ASAP2: variants seen among roughly 807,000 people sequenced by gnomAD.
The protein encoded by ASAP2 is ArfGAP with SH3 domain, ankyrin repeat and PH domain 2, also known as arf-GAP with SH3 domain, ANK repeat and PH domain-containing protein 2.
ASAP2 carries 45 observed loss-of-function variants against 131.4 expected under a neutral mutation model. The observed-to-expected ratio is 0.34, with a 90% confidence interval of 0.27 to 0.44. ASAP2 has a LOEUF of 0.44. Among genes scored for constraint, ASAP2 ranks in the 20% least tolerant of loss-of-function variants. ASAP2 has a pLI of 1.00. For missense variants in ASAP2, 1,011 were observed against 1,297.0 expected, an observed-to-expected ratio of 0.78 and a Z score of 3.39; for synonymous variants, 510 against 503.0, an observed-to-expected ratio of 1.01 and a Z score of -0.19.
chr2:9,344,361 C>A (rs1478915490), intron 9 of ASAP2, among the ~76,000 whole-genome samples, 171 bp from the exon 10 acceptor site: 1 of 152,080 alleles, frequency 6.6e-6, no homozygotes, highest in Non-Finnish European at 1.5e-5. Flanking sequence ...TTTATCAGTT[C>A]CTAGAGCAGA....
Position 9,378,549 on chromosome 2 carries a change from G to A in ASAP2, c.1833-395G>A, listed in dbSNP as rs779662177. Among the ~76,000 whole-genome samples, 4 of 152,346 alleles carry A rather than the reference G, an allele frequency of 2.6e-5. No individual in the cohort carries two copies. In the Middle Eastern group the frequency reaches 0.014, roughly 518 times the overall value. On this transcript the variant is annotated intron_variant, in intron 18 of 27. Coordinates refer to ENST00000281419, the MANE Select transcript of ASAP2 (RefSeq NM_003887.3). ...GATGGATGAGTCACACAGGCATCCA[G>A]AGGCCCTGCATCCAGCACAGCTGGC...
chr2:9,318,195 C>T (rs1669927257), intron 3 of ASAP2, among the ~76,000 whole-genome samples: 1 of 152,158 alleles, frequency 6.6e-6, no homozygotes, highest in African/African-American at 2.4e-5. Context: ...TCCTTTTATT[C>T]TAGGCTTTCG....
rs575557282 is a variant in ASAP2, at chr2:9,233,772, C to T, written c.126+26542C>T. 5.3e-5 allele frequency among the ~76,000 whole-genome samples: 8 copies of T among 152,284 alleles called. No homozygotes were observed. In the East Asian group the frequency reaches 1.5e-3, roughly 29 times the overall value. On this transcript the variant is annotated intron_variant, in intron 1 of 27. Transcript: ENST00000281419. Reference sequence around the variant, plus strand: ...ACATGTTAAATGGATTTAATCCTTACAACAACCCTGTGGCTAGGTACTGTC... The same window carrying T: ...ACATGTTAAATGGATTTAATCCTTATAACAACCCTGTGGCTAGGTACTGTC...
At position 9,268,535 on chromosome 2, in the gene ASAP2, G is replaced by C. The variant is rs1252886934; in HGVS notation, c.127-10782G>C. Among the ~76,000 whole-genome samples the C allele has an allele frequency of 1.3e-5, 2 of 152,182 alleles. No homozygotes were observed. The highest frequency in any genetic ancestry group is 4.8e-5 in the African/African-American group (2 of 41,450). Reference sequence around the variant, plus strand: ...CTTTAAACGGAGCCCACAGGTCACAGTGCAAGTCTACGCTTCCCAAAAGGC... The same window carrying C: ...CTTTAAACGGAGCCCACAGGTCACACTGCAAGTCTACGCTTCCCAAAAGGC... On this transcript the variant is annotated intron_variant, in intron 1 of 27. Coordinates refer to ENST00000281419, the MANE Select transcript of ASAP2 (RefSeq NM_003887.3). This position sits in a 1 kb window ranked among gnomAD's most constrained non-coding sequence, Gnocchi z 4.1.
At chr2:9,247,088 T>G (rs1378896340) in intron 1 of ASAP2, among the ~76,000 whole-genome samples, 1 of 152,190 alleles carries the variant, frequency 6.6e-6, no homozygotes, top group African/African-American at 2.4e-5. Context: ...CTGCCTGCCT[T>G]AGCCTCTAAA....
intron 1 of ASAP2, among the ~76,000 whole-genome samples, chr2:9,209,940 A>G (rs1204094413): frequency 6.6e-6 from 1 of 152,244 alleles, no homozygotes; most frequent in Non-Finnish European, 1.5e-5. Flanking sequence ...CTGCCAAAGA[A>G]TCATTTTACA....
intron 2 of ASAP2, among the ~76,000 whole-genome samples, chr2:9,294,485 G>A (rs541584437): frequency 1.1e-3 from 162 of 152,254 alleles, no homozygotes; most frequent in African/African-American, 3.3e-3. Flanking sequence ...GGCAGCCTGC[G>A]TGGTCCATAA....
chr2:9,383,545 C>T (rs972114982), intron 20 of ASAP2, among the ~76,000 whole-genome samples: 1 of 152,116 alleles, frequency 6.6e-6, no homozygotes, highest in Middle Eastern at 3.2e-3. Context: ...AGGTGTGAGC[C>T]ACTCCACTGG....
chr2:9,262,321 G>A (rs773197232), intron 1 of ASAP2, among the ~76,000 whole-genome samples: 9 of 152,092 alleles, frequency 5.9e-5, no homozygotes, highest in East Asian at 1.9e-4. Context: ...GGGTAACAGC[G>A]TCTTCTTAAC....
intron 5 of ASAP2, among the ~76,000 whole-genome samples, chr2:9,322,850 C>T (rs1670238701): frequency 6.6e-6 from 1 of 152,208 alleles, no homozygotes; most frequent in Admixed American, 6.5e-5. Context: ...CAAAGGAGCC[C>T]TCCAAGCCCT....
chr2:9,344,816 T>C lies in ASAP2; in HGVS notation c.1023+16T>C. Reference sequence around the variant, plus strand: ...CCATGGTACCGTAAGTATTCTCTTTTAATCCATGGTGTCTGCTGTATTAGG... The same window carrying C: ...CCATGGTACCGTAAGTATTCTCTTTCAATCCATGGTGTCTGCTGTATTAGG... On this transcript the variant is annotated intron_variant, in intron 11 of 27. Coordinates refer to ENST00000281419, the MANE Select transcript of ASAP2 (RefSeq NM_003887.3). 6.2e-7 allele frequency: 1 copy of C among 1,605,354 alleles called. No homozygotes were observed. The highest frequency in any genetic ancestry group is 8.5e-7 in the Non-Finnish European group (1 of 1,172,686).
At position 9,374,461 on chromosome 2, in the gene ASAP2, C is replaced by T. The variant is rs543777415; in HGVS notation, c.1557-294C>T. Reference sequence around the variant, plus strand: ...AAGAAGGGTGTGGAGGTGACGAGGGCGACAGTGAGGTCAGATCACAGAACT... The same window carrying T: ...AAGAAGGGTGTGGAGGTGACGAGGGTGACAGTGAGGTCAGATCACAGAACT... On this transcript the variant is annotated intron_variant, in intron 16 of 27. Coordinates refer to ENST00000281419, the MANE Select transcript of ASAP2 (RefSeq NM_003887.3). 2.6e-5 allele frequency among the ~76,000 whole-genome samples: 4 copies of T among 152,168 alleles called. No individual in the cohort carries two copies. In the South Asian group the frequency reaches 6.2e-4, roughly 24 times the overall value.
rs1310748966 is a variant in ASAP2 at position 9,254,250 on chromosome 2, T to C, written c.127-25067T>C. On this transcript the variant is annotated intron_variant, in intron 1 of 27. Coordinates refer to ENST00000281419, the MANE Select transcript of ASAP2 (RefSeq NM_003887.3). ...AAAAAAAAAAAAATATATATATATA[T>C]ATATACACGTGTGTGTGTATGCATA... is the stretch of plus-strand genomic sequence containing the variant. Among the ~76,000 whole-genome samples the C allele has an allele frequency of 4.3e-4, 38 of 87,750 alleles. 5 individuals are homozygous for C. The highest frequency in any genetic ancestry group is 1.3e-3 in the African/African-American group (27 of 20,116). The allele number at this position is 87,750 out of a possible 152,430, so 57.6% of individuals were successfully genotyped here. A position where few individuals can be genotyped will look rare whatever the true frequency, so the allele number is the denominator to read the frequency against.
chr2:9,311,806 G>A lies in ASAP2; in HGVS notation c.346-6718G>A, dbSNP rs899354768. Among the ~76,000 whole-genome samples, 1 of 152,116 alleles carries A rather than the reference G, an allele frequency of 6.6e-6. No homozygotes were observed. Among genetic ancestry groups the A allele is most frequent in the African/African-American group, 2.4e-5 (1 of 41,416 alleles). On this transcript the variant is annotated intron_variant, in intron 3 of 27. Coordinates refer to ENST00000281419, the MANE Select transcript of ASAP2 (RefSeq NM_003887.3). The surrounding 1 kb of genome is among the most constrained non-coding windows in gnomAD (Gnocchi z 5.2). ...GCCGAGAAGCGCGTCTGGCCCCCAC[G>A]CACTTGTTCTCTGGCCCAGACAGAG... is the stretch of plus-strand genomic sequence containing the variant.
At chr2:9,329,996 T>G (rs1670725572) in intron 7 of ASAP2, among the ~76,000 whole-genome samples, 1 of 152,220 alleles carries the variant, frequency 6.6e-6, no homozygotes, top group Non-Finnish European at 1.5e-5. Context: ...GCCACTGAAC[T>G]ATATGCTCTT....
rs1010220755 is a variant in ASAP2, at chr2:9,376,953, C to G, written c.1792C>G (p.Arg598Gly). 2 of 1,614,094 alleles carry G rather than the reference C, an allele frequency of 1.2e-6. No individual in the cohort carries two copies. The highest frequency in any genetic ancestry group is 1.1e-5 in the South Asian group (1 of 91,070). ...CCACCTTGCAGTCAGATCCGTGGATCGAACCTCTCTTCACATTGTAGACTT... is the reference window on the plus strand; with the variant it reads ...CCACCTTGCAGTCAGATCCGTGGATGGAACCTCTCTTCACATTGTAGACTT... ...ALHLAVRSVDRTSLHIVDFLV... is the reference protein window; with the variant it reads ...ALHLAVRSVDGTSLHIVDFLV... Residue 598 changes from arginine to glycine, a missense_variant, in exon 18 of 28, where the codon CGA becomes GGA. By Grantham distance (125) the Arg-to-Gly change is moderately radical. Around this residue, in one of 2 missense-constraint regions of ASAP2, gnomAD observed 652 missense variants for 698.9 expected, o/e 0.93. Transcript: ENST00000281419.
intron 24 of ASAP2, chr2:9,399,814 G>GT (rs1367279878): frequency 3.4e-6 from 2 of 591,844 alleles, no homozygotes; most frequent in East Asian, 2.9e-5. Context: ...AAAAGCCCTG[G>GT]TTTTAGGATC....
At chr2:9,351,365 C>T (rs1003628203) in intron 12 of ASAP2, among the ~76,000 whole-genome samples, 1 of 152,234 alleles carries the variant, frequency 6.6e-6, no homozygotes, top group African/African-American at 2.4e-5. Flanking sequence ...CAGGAATAGT[C>T]TTTCTGCTTC....
At chr2:9,294,941 AGAT>A (rs1668061720) in intron 2 of ASAP2, among the ~76,000 whole-genome samples, 1 of 152,212 alleles carries the variant, frequency 6.6e-6, no homozygotes, top group South Asian at 2.1e-4. Flanking sequence ...GTGTAGTGAC[AGAT>A]GCCTGCCTGT....
Sources: allele counts gnomAD v4.1 joint callset (sites outside exome capture counted in the v4.1 genomes callset), GRCh38; gene constraint gnomAD v4.1.1; regional missense constraint gnomAD v4.1.1; non-coding constraint Gnocchi (gnomAD v3.1); transcripts MANE v1.5; gene names NCBI Gene and HGNC (gene_info 2026-07-23, HGNC 2026-07-21).